Variants in NSL1 observed in about 807,000 individuals in gnomAD.
The protein encoded by NSL1 is kinetochore-associated protein NSL1 homolog.
NSL1 carries 11 observed loss-of-function variants against 25.4 expected under a neutral mutation model. The observed-to-expected ratio is 0.43, with a 90% CI of 0.27 to 0.72. The LOEUF (loss-of-function observed/expected upper bound fraction) is 0.72. Ranked by LOEUF, NSL1 falls within the 30% of genes least tolerant of loss-of-function variation. The pLI, the probability that NSL1 is intolerant of heterozygous loss-of-function variation, is 0.19. For missense variants in NSL1, 330 were observed against 342.7 expected, an observed-to-expected ratio of 0.96 and a Z score of 0.29; for synonymous variants, 118 against 120.6, an observed-to-expected ratio of 0.98 and a Z score of 0.14.
chr1:212,742,874 C>T (rs1224737492), intron 4 of NSL1, among the ~76,000 whole-genome samples: 3 of 152,068 alleles, frequency 2.0e-5, no homozygotes. Flanking sequence ...TATACCTAAA[C>T]CACTTTTGCT....
chr1:212,741,686 A>G (rs1488230925), intron 4 of NSL1, among the ~76,000 whole-genome samples: 2 of 152,158 alleles, frequency 1.3e-5, no homozygotes, highest in Non-Finnish European at 2.9e-5. Context: ...TGAGCCAATT[A>G]AACCTCTTTT....
At chr1:212,777,555 T>TC (rs1277443798) in intron 4 of NSL1, among the ~76,000 whole-genome samples, 1 of 152,140 alleles carries the variant, frequency 6.6e-6, no homozygotes, top group Admixed American at 6.5e-5. Flanking sequence ...AATGATATGA[T>TC]CAGTATGATA....
At chr1:212,765,720 C>T (rs557389008) in intron 4 of NSL1, among the ~76,000 whole-genome samples, 2 of 151,620 alleles carry the variant, frequency 1.3e-5, no homozygotes, top group South Asian at 4.2e-4. Context: ...GCAGGAGAAT[C>T]GCTTGAACCT....
At chr1:212,785,319 A>C (rs1660896797) in intron 2 of NSL1, among the ~76,000 whole-genome samples, 1 of 152,018 alleles carries the variant, frequency 6.6e-6, no homozygotes, top group Non-Finnish European at 1.5e-5. Context: ...TAGAAGAATC[A>C]CCTAACGAGT....
chr1:212,756,409 C>T (rs983717069), intron 4 of NSL1, among the ~76,000 whole-genome samples: 7 of 151,986 alleles, frequency 4.6e-5, no homozygotes, highest in Admixed American at 3.3e-4. Flanking sequence ...TGCATCCGGC[C>T]GACTTTGGTT....
At chr1:212,789,956 C>A (rs564943983) in intron 1 of NSL1, among the ~76,000 whole-genome samples, 8 of 152,148 alleles carry the variant, frequency 5.3e-5, no homozygotes, top group Non-Finnish European at 8.8e-5. Flanking sequence ...ACGTAAGAGT[C>A]ACTATATACA....
intron 4 of NSL1, chr1:212,781,949 C>T (rs1372802649): frequency 4.7e-5 from 19 of 402,334 alleles, no homozygotes; most frequent in South Asian, 3.2e-4. Flanking sequence ...TTCTTAAATT[C>T]AATATATTTT....
chr1:212,732,639 T>G lies in NSL1; in HGVS notation c.*5769A>C. The stretch of plus-strand genomic sequence containing the variant: ...TGGTCTGCCTAGTCTCCAAATCTGC[T>G]GATTAGTTAGTAGCCTGTAGACTCG... On this transcript the variant is annotated 3_prime_UTR_variant, in exon 6 of 6. Transcript: ENST00000366977. The G allele has an allele frequency of 1.0e-6, 1 of 985,390 alleles. No homozygotes were observed. Among genetic ancestry groups the G allele is most frequent in the Non-Finnish European group, 1.2e-6 (1 of 829,932 alleles). 61.0% of individuals were successfully genotyped at this position (985,390 alleles called of 1,614,324 possible).
In NSL1 at chr1:212,738,324, T is replaced by G; in HGVS notation, c.*84A>C. On this transcript the variant is annotated 3_prime_UTR_variant, in exon 6 of 6. Transcript: ENST00000366977. The stretch of plus-strand genomic sequence containing the variant: ...TAAAAGAGTTATTTCTTATTTCAAA[T>G]GAAGTCTTATCTAGGTATTAATTAG... The G allele has an allele frequency of 6.6e-7, 1 of 1,516,884 alleles. No homozygotes were observed. The highest frequency in any genetic ancestry group is 1.4e-5 in the South Asian group (1 of 73,940). The allele number at this position is 1,516,884 out of a possible 1,614,324, so 94.0% of individuals were successfully genotyped here. A position where few individuals can be genotyped will look rare whatever the true frequency, so the allele number is the denominator to read the frequency against.
chr1:212,767,638 A>T (rs111579289), intron 4 of NSL1, among the ~76,000 whole-genome samples: 3,042 of 152,336 alleles, frequency 0.02, 115 homozygotes, highest in African/African-American at 0.07. Context: ...CAGACAACCC[A>T]CAGAGTGGGA....
At chr1:212,765,388 T>C (rs1387269035) in intron 4 of NSL1, among the ~76,000 whole-genome samples, 4 of 152,296 alleles carry the variant, frequency 2.6e-5, no homozygotes, top group Admixed American at 2.0e-4. Flanking sequence ...TAATACATCA[T>C]GATCAAGTGG....
rs1657864849 is a variant in NSL1 at position 212,728,178 on chromosome 1, C to T, written c.*10230G>A. 15 of 931,248 alleles carry T rather than the reference C, an allele frequency of 1.6e-5. No homozygotes were observed. The highest frequency in any genetic ancestry group is 1.8e-5 in the African/African-American group (1 of 56,094). The allele number at this position is 931,248 out of a possible 1,614,324, so 57.7% of individuals were successfully genotyped here. A position where few individuals can be genotyped will look rare whatever the true frequency, so the allele number is the denominator to read the frequency against. On this transcript the variant is annotated 3_prime_UTR_variant, in exon 6 of 6. Transcript: ENST00000366977. ...GAGATGGTGCATGTGAAGCTTTTAG[C>T]ATGATCATGGCATGTAGTAAGCACT...
At chr1:212,769,080 A>G (rs1043130303) in intron 4 of NSL1, among the ~76,000 whole-genome samples, 4 of 115,650 alleles carry the variant, frequency 3.5e-5, no homozygotes, top group Admixed American at 2.5e-4. Context: ...GAGGAGGAAT[A>G]AAAAAAAAAA....
Position 212,731,807 on chromosome 1 carries a change from T to G in NSL1, c.*6601A>C, listed in dbSNP as rs1474749982. 1 of 985,314 alleles carries G rather than the reference T, an allele frequency of 1.0e-6. No individual in the cohort carries two copies. Among genetic ancestry groups the G allele is most frequent in the Non-Finnish European group, 1.2e-6 (1 of 829,944 alleles). The allele number at this position is 985,314 out of a possible 1,614,324, so 61.0% of individuals were successfully genotyped here. Reference sequence around the variant, plus strand: ...AGACAGTCACACTGTTACAAACATATGGATTGTACTGGTTGGCACAGAAGC... The same window carrying G: ...AGACAGTCACACTGTTACAAACATAGGGATTGTACTGGTTGGCACAGAAGC... On this transcript the variant is annotated 3_prime_UTR_variant, in exon 6 of 6. Coordinates refer to ENST00000366977, the MANE Select transcript of NSL1 (RefSeq NM_015471.4).
intron 4 of NSL1, among the ~76,000 whole-genome samples, chr1:212,750,109 T>G (rs1658996317): frequency 6.6e-6 from 1 of 151,960 alleles, no homozygotes; most frequent in African/African-American, 2.4e-5. Flanking sequence ...ATTCTTTTAA[T>G]CTCAGAATCC....
intron 4 of NSL1, among the ~76,000 whole-genome samples, chr1:212,778,858 CTATCGTCT>C (rs1660518662): frequency 6.6e-6 from 1 of 152,078 alleles, no homozygotes; most frequent in Admixed American, 6.5e-5. Context: ...GCCTGGCCGC[CTATCGTCT>C]GGGATGTGAG....
At chr1:212,772,094 T>C (rs2102384362) in intron 4 of NSL1, among the ~76,000 whole-genome samples, 1 of 152,318 alleles carries the variant, frequency 6.6e-6, no homozygotes, top group Middle Eastern at 3.4e-3. Flanking sequence ...ATTTAAGAAG[T>C]GCCGTTTGTC....
At position 212,730,399 on chromosome 1, in the gene NSL1, C is replaced by T. The variant is rs1020500635; in HGVS notation, c.*8009G>A. 3.0e-6 allele frequency: 3 copies of T among 985,192 alleles called. No homozygotes were observed. Among genetic ancestry groups the T allele is most frequent in the Non-Finnish European group, 3.6e-6 (3 of 829,904 alleles). The allele number at this position is 985,192 out of a possible 1,614,324, so 61.0% of individuals were successfully genotyped here. A position where few individuals can be genotyped will look rare whatever the true frequency, so the allele number is the denominator to read the frequency against. Reference sequence around the variant, plus strand: ...ACATCATTGTAGAAGATGTGGGCCACAGAGCTACATGAATGGGCACCAAGG... The same window carrying T: ...ACATCATTGTAGAAGATGTGGGCCATAGAGCTACATGAATGGGCACCAAGG... On this transcript the variant is annotated 3_prime_UTR_variant, in exon 6 of 6. Transcript: ENST00000366977.
intron 1 of NSL1, among the ~76,000 whole-genome samples, chr1:212,790,259 C>T (rs1661139227): frequency 6.6e-6 from 1 of 152,080 alleles, no homozygotes; most frequent in Admixed American, 6.5e-5. Context: ...GATCTCCTGA[C>T]CTCGTGATCC....
Sources: gnomAD v4.1 joint callset for allele counts (sites outside exome capture counted in the v4.1 genomes callset) on GRCh38, gnomAD v4.1.1 for gene constraint, MANE v1.5 for transcripts, NCBI Gene and HGNC (gene_info 2026-07-23, HGNC 2026-07-21) for gene names.